MRPS18B: variants seen among roughly 807,000 people sequenced by gnomAD.
The protein encoded by MRPS18B is mitochondrial ribosomal protein S18B.
In MRPS18B, 27 loss-of-function variants were observed where a neutral mutation model predicts 28.4. The observed-to-expected ratio is 0.95, with a 90% CI of 0.70 to 1.31. MRPS18B has a LOEUF of 1.31. Ranked by LOEUF, MRPS18B falls within the 40% of genes most tolerant of loss-of-function variation. MRPS18B has a pLI of 0.00. For synonymous variants in MRPS18B, 118 were observed against 123.7 expected (o/e 0.95, Z 0.30); for missense variants, 343 against 335.9 (o/e 1.02, Z -0.17).
At chr6:30,618,277 G>A (rs1760875099) in intron 1 of MRPS18B, among the ~76,000 whole-genome samples, 1 of 151,998 alleles carries the variant, frequency 6.6e-6, no homozygotes, top group African/African-American at 2.4e-5. Context: ...TCTCTGTATC[G>A]TTGCAATTTT....
Position 30,625,610 on chromosome 6 carries a change from AC to A in MRPS18B, c.594del (p.Trp199GlyfsTer77), listed in dbSNP as rs1276213497. ...TPPAPTLVSG[D>X]PWYPWYNWKQ... ...CCAGCCCCCACCCTGGTCTCAGGTG[AC>A]CCCTGGTACCCATGGTACAACTGGA... On this transcript the variant is annotated frameshift_variant, in exon 7 of 7. Coordinates refer to ENST00000259873, the MANE Select transcript of MRPS18B (RefSeq NM_014046.4). LOFTEE classifies it high-confidence loss of function. The A allele has an allele frequency of 6.2e-7, 1 of 1,612,940 alleles. No homozygotes were observed. The highest frequency in any genetic ancestry group is 2.2e-5 in the East Asian group (1 of 44,882).
rs1350245763 is a variant in MRPS18B at position 30,625,561 on chromosome 6, C to T, written c.541C>T (p.His181Tyr). 7 of 1,605,952 alleles carry T rather than the reference C, an allele frequency of 4.4e-6. No homozygotes were observed. The highest frequency in any genetic ancestry group is 2.2e-5 in the East Asian group (1 of 44,714). The change falls in exon 7 of 7, where the codon CAT becomes TAT. Residue 181 changes from histidine to tyrosine, a missense_variant. Coordinates refer to ENST00000259873, the MANE Select transcript of MRPS18B (RefSeq NM_014046.4). ...EPRDLDFSTS[H>Y]GAVSATPPAP... The stretch of plus-strand genomic sequence containing the variant: ...ACGGGACCTTGACTTCAGTACCTCT[C>T]ATGGGGCTGTGAGTGCTACTCCGCC...
At position 30,625,649 on chromosome 6, in the gene MRPS18B, A is replaced by G; in HGVS notation, c.629A>G (p.Glu210Gly). 1 of 1,612,992 alleles carries G rather than the reference A, an allele frequency of 6.2e-7. No homozygotes were observed. The highest frequency in any genetic ancestry group is 2.2e-5 in the East Asian group (1 of 44,884). ...YPWYNWKQPP[E>G]RELSRLRRLY... is the part of the protein sequence containing the mutation. ...TGGTACAACTGGAAACAGCCACCGG[A>G]GAGAGAACTGTCTCGCCTTCGCCGG... Residue 210 changes from glutamate to glycine, a missense_variant, in exon 7 of 7, where the codon GAG becomes GGG. Coordinates refer to ENST00000259873, the MANE Select transcript of MRPS18B (RefSeq NM_014046.4).
Position 30,624,906 on chromosome 6 carries a change from C to CG in MRPS18B, c.447dup (p.Leu150ValfsTer22), listed in dbSNP as rs762483046. 1.9e-6 allele frequency: 3 copies of CG among 1,612,956 alleles called. No homozygotes were observed. In the South Asian group the frequency reaches 3.3e-5, roughly 18 times the overall value. On this transcript the variant is annotated frameshift_variant, in exon 6 of 7. Transcript: ENST00000259873. LOFTEE classifies it high-confidence loss of function. ...AGGAGTCTGTGTGAAGCAGCACAAGCGGTTGACCCAGGCCATCCAGAAAGC... is the reference window on the plus strand; with the variant it reads ...AGGAGTCTGTGTGAAGCAGCACAAGCGGGTTGACCCAGGCCATCCAGAAAGC...
chr6:30,619,485 C>T lies in MRPS18B; in HGVS notation c.79-8C>T, dbSNP rs775672519. 5.6e-6 allele frequency: 9 copies of T among 1,605,570 alleles called. No homozygotes were observed. The highest frequency in any genetic ancestry group is 4.5e-5 in the East Asian group (2 of 44,816). On this transcript the variant is annotated splice_region_variant and splice_polypyrimidine_tract_variant and intron_variant, in intron 1 of 6. Coordinates refer to ENST00000259873, the MANE Select transcript of MRPS18B (RefSeq NM_014046.4). The stretch of plus-strand genomic sequence containing the variant: ...CTCATTCTTTTATTTTTTTCTTCTC[C>T]TTTGTAGGTTCCCCTCCAGACTCTT...
chr6:30,618,080 C>A (rs892637918), intron 1 of MRPS18B, 137 bp downstream of exon 1: 63 of 819,794 alleles, frequency 7.7e-5, no homozygotes, highest in East Asian at 6.2e-4. Context: ...TCCTGCAACC[C>A]CCCCCCCACA....
intron 1 of MRPS18B, 148 bp from the exon 2 acceptor site, chr6:30,619,345 C>A: frequency 3.2e-6 from 2 of 623,352 alleles, no homozygotes; most frequent in Non-Finnish European, 5.5e-6. Context: ...CAATTTAAAC[C>A]CAACAAAAAT....
chr6:30,625,271 G>C (rs1761448321), intron 6 of MRPS18B, among the ~76,000 whole-genome samples: 1 of 152,170 alleles, frequency 6.6e-6, no homozygotes, highest in Non-Finnish European at 1.5e-5. Flanking sequence ...TGCTAGGGCA[G>C]ATGCAGCTTC....
rs547858965 is a variant in MRPS18B at position 30,622,888 on chromosome 6, T to C, written c.411T>C (p.Ala137=). 3.1e-6 allele frequency: 5 copies of C among 1,613,022 alleles called. No homozygotes were observed. The East Asian group carries it at 6.7e-5, about 22-fold the overall frequency. ...VCAHTGIIFY[A]PYTGVCVKQH... Reference sequence around the variant, plus strand: ...CCCACACGGGTATCATCTTCTATGCTCCATACACAGGTTAGCCCATCATCC... The same window carrying C: ...CCCACACGGGTATCATCTTCTATGCCCCATACACAGGTTAGCCCATCATCC... The change falls in exon 5 of 7, where the codon GCT becomes GCC. Residue 137 remains alanine (A), a synonymous_variant. Coordinates refer to ENST00000259873, the MANE Select transcript of MRPS18B (RefSeq NM_014046.4).
chr6:30,622,605 AAG>A (rs1471298013), intron 4 of MRPS18B, among the ~76,000 whole-genome samples: 1 of 151,480 alleles, frequency 6.6e-6, no homozygotes, highest in African/African-American at 2.4e-5. Flanking sequence ...ACCTCTGCAT[AAG>A]AGATTTCTAT....
At chr6:30,623,015 T>A in intron 5 of MRPS18B, 117 bp downstream of exon 5, 4 of 1,028,370 alleles carry the variant, frequency 3.9e-6, no homozygotes, top group Non-Finnish European at 5.8e-6. Flanking sequence ...AAGGTCTGGC[T>A]GAACCTTTTG....
Position 30,626,078 on chromosome 6 carries a change from G to T in MRPS18B, c.*281G>T. ...CACACCCCTGCACTCCAGCCTGGGT[G>T]ACAGCTAGACCCTGTCTCAAAAAAA... On this transcript the variant is annotated 3_prime_UTR_variant, in exon 7 of 7. Transcript: ENST00000259873. 2.7e-6 allele frequency: 1 copy of T among 368,270 alleles called. No individual in the cohort carries two copies. The highest frequency in any genetic ancestry group is 4.8e-6 in the Non-Finnish European group (1 of 207,060). The allele number at this position is 368,270 out of a possible 1,614,324, so 22.8% of individuals were successfully genotyped here.
intron 5 of MRPS18B, 66 bp from the exon 6 acceptor site, chr6:30,624,817 A>G (rs1761382456): frequency 3.2e-6 from 5 of 1,563,784 alleles, no homozygotes; most frequent in Admixed American, 1.7e-5. Context: ...CTCTGTCACC[A>G]TATGGAAGCA....
chr6:30,625,539 G>C lies in MRPS18B; in HGVS notation c.519G>C (p.Arg173=). 6.3e-7 allele frequency: 1 copy of C among 1,583,712 alleles called. No individual in the cohort carries two copies. The highest frequency in any genetic ancestry group is 8.6e-7 in the Non-Finnish European group (1 of 1,157,982). Residue 173 remains arginine, a synonymous_variant, in exon 7 of 7, where the codon CGG becomes CGC. Coordinates refer to ENST00000259873, the MANE Select transcript of MRPS18B (RefSeq NM_014046.4). The part of the protein sequence containing the change: ...LIYHIPQVEP[R]DLDFSTSHGA... ...ACCACATCCCCCAGGTTGAACCACGGGACCTTGACTTCAGTACCTCTCATG... is the reference window on the plus strand; with the variant it reads ...ACCACATCCCCCAGGTTGAACCACGCGACCTTGACTTCAGTACCTCTCATG...
At chr6:30,619,092 A>G (rs1399790905) in intron 1 of MRPS18B, among the ~76,000 whole-genome samples, 2 of 151,822 alleles carry the variant, frequency 1.3e-5, no homozygotes, top group Admixed American at 6.6e-5. Flanking sequence ...TAATTTTTGT[A>G]TTTTTAGTAG....
In MRPS18B at chr6:30,622,783, G is replaced by A. The variant is rs144787074; in HGVS notation, c.355-49G>A. The stretch of plus-strand genomic sequence containing the variant: ...ACTTTCGATGTCCAAAGATCCTGCT[G>A]CTCTCCCTGCCTCTTTTCCTCACGT... On this transcript the variant is annotated intron_variant, in intron 4 of 6. Transcript: ENST00000259873. The A allele has an allele frequency of 6.5e-5, 102 of 1,568,632 alleles. No individual in the cohort carries two copies. The African/African-American group carries it at 1.2e-3, about 19-fold the overall frequency.
At chr6:30,618,189 G>C (rs1400702352) in intron 1 of MRPS18B, among the ~76,000 whole-genome samples, 1 of 151,804 alleles carries the variant, frequency 6.6e-6, no homozygotes, top group African/African-American at 2.4e-5. Flanking sequence ...TTAAGTGATG[G>C]AATTGACCCC....
chr6:30,623,095 G>T (rs559930139), intron 5 of MRPS18B, among the ~76,000 whole-genome samples, 197 bp downstream of exon 5: 1 of 152,184 alleles, frequency 6.6e-6, no homozygotes, highest in Admixed American at 6.5e-5. Flanking sequence ...ACAGCCAGGC[G>T]TGGTGGCTCA....
intron 5 of MRPS18B, among the ~76,000 whole-genome samples, chr6:30,624,211 G>C (rs969053425): frequency 1.3e-5 from 2 of 152,138 alleles, no homozygotes; most frequent in African/African-American, 4.8e-5. Flanking sequence ...TCCTGCCTCA[G>C]CCTCCCAAGT....
Sources: gnomAD v4.1 joint callset for allele counts (sites outside exome capture counted in the v4.1 genomes callset) on GRCh38, gnomAD v4.1.1 for gene constraint, MANE v1.5 for transcripts, NCBI Gene and HGNC (gene_info 2026-07-23, HGNC 2026-07-21) for gene names.